AGPAT4: variants seen among roughly 807,000 people sequenced by gnomAD.
The protein encoded by AGPAT4 is 1-acyl-sn-glycerol-3-phosphate acyltransferase delta.
AGPAT4 carries 15 observed loss-of-function variants against 48.0 expected under a neutral mutation model. The observed-to-expected ratio is 0.31, with a 90% CI of 0.21 to 0.48. AGPAT4 has a LOEUF of 0.48. Ranked by LOEUF, AGPAT4 falls within the 20% of genes least tolerant of loss-of-function variation. The pLI, the probability that AGPAT4 is intolerant of heterozygous loss-of-function variation, is 0.99. For missense variants in AGPAT4, 314 were observed against 482.5 expected, an observed-to-expected ratio of 0.65 and a Z score of 3.27; for synonymous variants, 178 against 198.7, an observed-to-expected ratio of 0.90 and a Z score of 0.88.
intron 2 of AGPAT4, among the ~76,000 whole-genome samples, chr6:161,210,686 T>G (rs1412246380): frequency 6.6e-6 from 1 of 152,220 alleles, no homozygotes; most frequent in East Asian, 1.9e-4. Context: ...TAGAAATGTC[T>G]TAAAAATTGC....
Position 161,159,849 on chromosome 6 carries a change from T to C in AGPAT4, c.349-5539A>G, listed in dbSNP as rs1258344833. ...TAGTAGAGACGGGGTTTCACCATGT[T>C]GGCTAGTCTGGTCTCGAACTCCTGA... On this transcript the variant is annotated intron_variant, in intron 3 of 8. Coordinates refer to ENST00000320285, the MANE Select transcript of AGPAT4 (RefSeq NM_020133.3). The surrounding 1 kb of genome is among the most constrained non-coding windows in gnomAD (Gnocchi z 4.1). 1.3e-5 allele frequency among the ~76,000 whole-genome samples: 2 copies of C among 151,982 alleles called. No homozygotes were observed. The highest frequency in any genetic ancestry group is 1.3e-4 in the Admixed American group (2 of 15,262).
chr6:161,268,813 A>C (rs548990122), intron 1 of AGPAT4, among the ~76,000 whole-genome samples: 2 of 147,726 alleles, frequency 1.4e-5, no homozygotes, highest in African/African-American at 5.2e-5. Context: ...GGTGGAACTT[A>C]AGTGGGGGAA....
Position 161,142,318 on chromosome 6 carries a change from C to T in AGPAT4, c.844-2698G>A, listed in dbSNP as rs115729691. ...CTCCAGGCTCTGGCAGCAGAATGTC[C>T]GTGGCCCATCTTGGTTGTGGACCCG... On this transcript the variant is annotated intron_variant, in intron 7 of 8. Transcript: ENST00000320285. This position sits in a 1 kb window ranked among gnomAD's most constrained non-coding sequence, Gnocchi z 6.4. 0.042 allele frequency among the ~76,000 whole-genome samples: 6,361 copies of T among 152,258 alleles called. 173 individuals carry two copies. The highest frequency in any genetic ancestry group is 0.047 in the Non-Finnish European group (3,181 of 68,010).
rs998989107 is a variant in AGPAT4 at position 161,259,338 on chromosome 6, C to T, written c.-90+14600G>A. Among the ~76,000 whole-genome samples the T allele has an allele frequency of 1.3e-5, 2 of 152,110 alleles. No individual in the cohort carries two copies. The highest frequency in any genetic ancestry group is 3.9e-4 in the East Asian group (2 of 5,148). On this transcript the variant is annotated intron_variant, in intron 1 of 8. Transcript: ENST00000320285. The surrounding 1 kb of genome is among the most constrained non-coding windows in gnomAD (Gnocchi z 4.9). ...GTAACAGACCTCTGCACCCCTGAAG[C>T]TTTAACAGCACCAATCATCCTTTCT...
rs894598984 is a variant in AGPAT4, at chr6:161,219,072, C to T, written c.178+12964G>A. On this transcript the variant is annotated intron_variant, in intron 2 of 8. Transcript: ENST00000320285. This position sits in a 1 kb window ranked among gnomAD's most constrained non-coding sequence, Gnocchi z 4.9. Reference sequence around the variant, plus strand: ...AGATCCCATCTGGGCCCAAGATAAACTGAAATAGAGAAAAATACAAAAATA... The same window carrying T: ...AGATCCCATCTGGGCCCAAGATAAATTGAAATAGAGAAAAATACAAAAATA... Among the ~76,000 whole-genome samples, 1 of 152,130 alleles carries T rather than the reference C, an allele frequency of 6.6e-6. No individual in the cohort carries two copies. The highest frequency in any genetic ancestry group is 6.5e-5 in the Admixed American group (1 of 15,278).
intron 1 of AGPAT4, among the ~76,000 whole-genome samples, chr6:161,250,144 G>C (rs1482604544): frequency 6.6e-6 from 1 of 152,148 alleles, no homozygotes; most frequent in African/African-American, 2.4e-5. Context: ...TAAATGATGA[G>C]AACACATGGA....
chr6:161,260,986 A>G (rs890940360), intron 1 of AGPAT4, among the ~76,000 whole-genome samples: 1 of 152,212 alleles, frequency 6.6e-6, no homozygotes, highest in Non-Finnish European at 1.5e-5. Context: ...AGGAGTGCAC[A>G]CTGAACCACG....
chr6:161,259,885 C>T lies in AGPAT4; in HGVS notation c.-90+14053G>A, dbSNP rs1199598636. On this transcript the variant is annotated intron_variant, in intron 1 of 8. Coordinates refer to ENST00000320285, the MANE Select transcript of AGPAT4 (RefSeq NM_020133.3). The surrounding 1 kb of genome is among the most constrained non-coding windows in gnomAD (Gnocchi z 4.9). ...TATGTGCACGCTGCACCCCCAGGGC[C>T]GAGTCGTAAGTTCACCATTGAGTCA... Among the ~76,000 whole-genome samples the T allele has an allele frequency of 2.6e-5, 4 of 152,158 alleles. No individual in the cohort carries two copies. Among genetic ancestry groups the T allele is most frequent in the South Asian group, 2.1e-4 (1 of 4,820 alleles).
chr6:161,205,362 T>C (rs1224580843), intron 2 of AGPAT4, among the ~76,000 whole-genome samples: 1 of 152,144 alleles, frequency 6.6e-6, no homozygotes, highest in African/African-American at 2.4e-5. Flanking sequence ...TTCTCCTCTA[T>C]GTCCTGTGGG....
intron 2 of AGPAT4, among the ~76,000 whole-genome samples, chr6:161,203,646 C>T (rs142259931): frequency 0.027 from 4,137 of 152,176 alleles, 81 homozygotes; most frequent in Admixed American, 0.042. Context: ...AATCCGCCCA[C>T]CTCAACCTCC....
At chr6:161,273,202 A>G (rs1783478949) in intron 1 of AGPAT4, among the ~76,000 whole-genome samples, 1 of 152,238 alleles carries the variant, frequency 6.6e-6, no homozygotes, top group African/African-American at 2.4e-5. Flanking sequence ...GAAGACTTAC[A>G]TAAACATCAA....
intron 2 of AGPAT4, among the ~76,000 whole-genome samples, chr6:161,185,583 T>G (rs939103287): frequency 6.6e-6 from 1 of 152,228 alleles, no homozygotes; most frequent in African/African-American, 2.4e-5. Context: ...TAGGATGAAA[T>G]ATTTAAAGTG....
At position 161,132,990 on chromosome 6, in the gene AGPAT4, C is replaced by CAA. The variant is rs1583266268; in HGVS notation, c.*3548_*3549dup. On this transcript the variant is annotated 3_prime_UTR_variant, in exon 9 of 9. Transcript: ENST00000320285. Reference sequence around the variant, plus strand: ...AGGGCCCCTCAAGAGACGTGCAAACCAAAGTATTTGTTTTTCTCACTTTAT... The same window carrying CAA: ...AGGGCCCCTCAAGAGACGTGCAAACCAAAAAGTATTTGTTTTTCTCACTTTAT... 6.6e-6 allele frequency: 1 copy of CAA among 152,332 alleles called. No homozygotes were observed. The highest frequency in any genetic ancestry group is 1.9e-4 in the East Asian group (1 of 5,188). 9.4% of individuals were successfully genotyped at this position (152,332 alleles called of 1,614,324 possible).
At chr6:161,253,495 C>G (rs918952862) in intron 1 of AGPAT4, among the ~76,000 whole-genome samples, 3 of 151,682 alleles carry the variant, frequency 2.0e-5, no homozygotes, top group Admixed American at 2.0e-4. Context: ...ACCTCTTGCT[C>G]CCCCCACCTC....
In AGPAT4 at chr6:161,214,540, C is replaced by A. The variant is rs746191328; in HGVS notation, c.178+17496G>T. Among the ~76,000 whole-genome samples the A allele has an allele frequency of 2.6e-5, 4 of 151,966 alleles. No individual in the cohort carries two copies. Among genetic ancestry groups the A allele is most frequent in the Non-Finnish European group, 4.4e-5 (3 of 67,988 alleles). On this transcript the variant is annotated intron_variant, in intron 2 of 8. Coordinates refer to ENST00000320285, the MANE Select transcript of AGPAT4 (RefSeq NM_020133.3). This position sits in a 1 kb window ranked among gnomAD's most constrained non-coding sequence, Gnocchi z 5.4. Reference sequence around the variant, plus strand: ...CAGCCCTTTGGGAGGTCAAGGCAGGCGGATCAATTGAAGTCAGGAGTTCGA... The same window carrying A: ...CAGCCCTTTGGGAGGTCAAGGCAGGAGGATCAATTGAAGTCAGGAGTTCGA...
chr6:161,211,470 G>A (rs1389864844), intron 2 of AGPAT4, among the ~76,000 whole-genome samples: 1 of 152,094 alleles, frequency 6.6e-6, no homozygotes, highest in Non-Finnish European at 1.5e-5. Flanking sequence ...TGGCAAGAAA[G>A]CTTAAAGAGA....
chr6:161,227,366 C>G (rs1227764537), intron 2 of AGPAT4, among the ~76,000 whole-genome samples: 7 of 152,220 alleles, frequency 4.6e-5, no homozygotes, highest in African/African-American at 1.7e-4. Context: ...AGAGGAGGTG[C>G]TAAAGCACAA....
rs991951381 is a variant in AGPAT4 at position 161,218,118 on chromosome 6, G to C, written c.178+13918C>G. On this transcript the variant is annotated intron_variant, in intron 2 of 8. Coordinates refer to ENST00000320285, the MANE Select transcript of AGPAT4 (RefSeq NM_020133.3). This position sits in a 1 kb window ranked among gnomAD's most constrained non-coding sequence, Gnocchi z 4.7. ...TTCTGGCAAGAGAACCACATGCCCT[G>C]GGGTGGACATACAACCTGCACAAGA... 6.6e-6 allele frequency among the ~76,000 whole-genome samples: 1 copy of C among 152,238 alleles called. No homozygotes were observed. Among genetic ancestry groups the C allele is most frequent in the East Asian group, 1.9e-4 (1 of 5,196 alleles).
intron 2 of AGPAT4, among the ~76,000 whole-genome samples, chr6:161,205,758 T>TAAC (rs1204748089): frequency 1.6e-5 from 2 of 125,324 alleles, no homozygotes; most frequent in African/African-American, 6.6e-5. Context: ...ATAATAATAA[T>TAAC]AATAACAACA....
Sources: allele counts gnomAD v4.1 joint callset (sites outside exome capture counted in the v4.1 genomes callset), GRCh38; gene constraint gnomAD v4.1.1; non-coding constraint Gnocchi (gnomAD v3.1); transcripts MANE v1.5; gene names NCBI Gene and HGNC (gene_info 2026-07-23, HGNC 2026-07-21).